The following CUL2 variants were observed in gnomAD, a reference collection of about 807,000 sequenced individuals.
CUL2 encodes cullin 2, also known as cullin-2.
CUL2 carries 22 observed loss-of-function variants against 110.2 expected under a neutral mutation model. The ratio of observed to expected loss-of-function variants is 0.20; its 90% CI spans 0.14 to 0.28. The LOEUF is 0.28. CUL2 is among the 10% of genes least tolerant of loss of function. CUL2 has a pLI of 1.00. For missense variants in CUL2, 631 were observed against 905.5 expected, an observed-to-expected ratio of 0.70 and a Z score of 3.89; for synonymous variants, 279 against 293.2, an observed-to-expected ratio of 0.95 and a Z score of 0.49.
intron 6 of CUL2, among the ~76,000 whole-genome samples, chr10:35,047,085 T>C (rs1249536146): frequency 6.6e-6 from 1 of 152,156 alleles, no homozygotes; most frequent in Admixed American, 6.5e-5. Flanking sequence ...GATAGATGGC[T>C]CTAACAAGCA....
At position 35,074,264 on chromosome 10, in the gene CUL2, TTCAG is replaced by T. The variant is rs1468686545; in HGVS notation, c.-22-2929_-22-2926del. 5 of 1,489,512 alleles carry T rather than the reference TTCAG, an allele frequency of 3.4e-6. No homozygotes were observed. In the South Asian group the frequency reaches 4.8e-5, roughly 14 times the overall value. 92.3% of individuals were successfully genotyped at this position (1,489,512 alleles called of 1,614,324 possible). ...TTGTTGTTTCCTTCTACAGACAGCA[TTCAG>T]TTTGGGCTCAACTGCAACATGGCAC... On this transcript the variant is annotated intron_variant, in intron 1 of 20. Transcript: ENST00000374749.
At chr10:35,072,517 C>T (rs1298878284) in intron 1 of CUL2, among the ~76,000 whole-genome samples, 1 of 152,022 alleles carries the variant, frequency 6.6e-6, no homozygotes, top group Admixed American at 6.5e-5. Context: ...TACAGGCGCC[C>T]GCCACCATGC....
intron 1 of CUL2, among the ~76,000 whole-genome samples, chr10:35,113,736 T>C (rs2087553370): frequency 6.6e-6 from 1 of 151,388 alleles, no homozygotes; most frequent in Non-Finnish European, 1.5e-5. Context: ...AGACGGAGTT[T>C]CGCTCTGTCA....
chr10:35,011,454 C>G (rs548948886), intron 20 of CUL2, among the ~76,000 whole-genome samples: 43 of 151,810 alleles, frequency 2.8e-4, no homozygotes, highest in Non-Finnish European at 4.4e-5. Context: ...CCTGTCTCTA[C>G]GAAAAATACA....
chr10:35,031,762 C>A lies in CUL2; in HGVS notation c.1171-143G>T. 1.3e-6 allele frequency: 1 copy of A among 791,828 alleles called. No homozygotes were observed. Among genetic ancestry groups the A allele is most frequent in the Non-Finnish European group, 2.0e-6 (1 of 504,178 alleles). 49.1% of individuals were successfully genotyped at this position (791,828 alleles called of 1,614,324 possible). A position where few individuals can be genotyped will look rare whatever the true frequency, so the allele number is the denominator to read the frequency against. On this transcript the variant is annotated intron_variant, in intron 12 of 20. Transcript: ENST00000374749. This position sits in a 1 kb window ranked among gnomAD's most constrained non-coding sequence, Gnocchi z 4.4. ...TTAGAGACCGGGTCTTGCTCTGTTG[C>A]CAGGCTGGATTGCAGTGGACAAGAT...
Position 35,029,557 on chromosome 10 carries a change from G to A in CUL2, c.1470C>T (p.Phe490=). 6.3e-7 allele frequency: 1 copy of A among 1,589,702 alleles called. No homozygotes were observed. Among genetic ancestry groups the A allele is most frequent in the African/African-American group, 1.4e-5 (1 of 73,254 alleles). Residue 490 remains phenylalanine (F), a synonymous_variant, in exon 15 of 21, where the codon TTC becomes TTT. Transcript: ENST00000374749. ...TGTCTTGGTTTTTGATAAAATTGTT[G>A]AACTTATTGTTGAGATCAGCGCTGA... ...MSVSADLNNK[F]NNFIKNQDTV...
intron 14 of CUL2, 88 bp from the exon 15 acceptor site, chr10:35,029,728 C>G (rs1161696217): frequency 9.9e-7 from 1 of 1,008,604 alleles, no homozygotes; most frequent in Non-Finnish European, 1.4e-6. Context: ...ATTGCTAGGT[C>G]TTTGATCAAA....
chr10:35,125,645 T>G (rs1358594379), intron 1 of CUL2, among the ~76,000 whole-genome samples: 1 of 152,224 alleles, frequency 6.6e-6, no homozygotes, highest in Non-Finnish European at 1.5e-5. Flanking sequence ...TGAAACAACG[T>G]ACAATGAAAC....
intron 17 of CUL2, among the ~76,000 whole-genome samples, chr10:35,023,116 A>G (rs963777435): frequency 6.6e-6 from 1 of 152,218 alleles, no homozygotes; most frequent in Non-Finnish European, 1.5e-5. Context: ...TCTCACCACA[A>G]ATAAAGATAA....
In CUL2 at chr10:35,031,465, A is replaced by G; in HGVS notation, c.1299+26T>C. ...AGAAATAAAGTTGACCAAAATACAAATGAAACTTTTCTGTTCACAACATAC... is the reference window on the plus strand; with the variant it reads ...AGAAATAAAGTTGACCAAAATACAAGTGAAACTTTTCTGTTCACAACATAC... On this transcript the variant is annotated intron_variant, in intron 13 of 20. Coordinates refer to ENST00000374749, the MANE Select transcript of CUL2 (RefSeq NM_003591.4). The surrounding 1 kb of genome is among the most constrained non-coding windows in gnomAD (Gnocchi z 4.4). 6.2e-7 allele frequency: 1 copy of G among 1,603,940 alleles called. No individual in the cohort carries two copies. The highest frequency in any genetic ancestry group is 8.5e-7 in the Non-Finnish European group (1 of 1,173,820).
upstream of CUL2, among the ~76,000 whole-genome samples, chr10:35,094,824 A>G (rs2087271483): frequency 1.3e-5 from 2 of 151,654 alleles, no homozygotes; most frequent in Admixed American, 6.6e-5. Flanking sequence ...TCTTTTCCAG[A>G]AAAAAAAATT....
chr10:35,022,774 C>T (rs1038544530), intron 17 of CUL2, among the ~76,000 whole-genome samples: 5 of 152,124 alleles, frequency 3.3e-5, no homozygotes, highest in African/African-American at 2.4e-5. Flanking sequence ...AGGCTGGGCA[C>T]GGTGGCTCAT....
rs58058299 is a variant in CUL2 at position 35,009,201 on chromosome 10, T to TTATATATATATATATATATATATATTA, written c.*1109_*1110insTAATATATATATATATATATATATATA. ...CTGTTGAGATATATATATATATATA[T>TTATATATATATATATATATATATATTA]TATATATATATATATATATAAAATA... On this transcript the variant is annotated 3_prime_UTR_variant, in exon 21 of 21. Coordinates refer to ENST00000374749, the MANE Select transcript of CUL2 (RefSeq NM_003591.4). 4 of 137,896 alleles carry TTATATATATATATATATATATATATTA rather than the reference T, an allele frequency of 2.9e-5. No individual in the cohort carries two copies. The Admixed American group carries it at 3.0e-4, about 10-fold the overall frequency. The allele number at this position is 137,896 out of a possible 1,614,324, so 8.5% of individuals were successfully genotyped here. A position where few individuals can be genotyped will look rare whatever the true frequency, so the allele number is the denominator to read the frequency against.
At chr10:35,033,053 C>G in intron 11 of CUL2, 113 bp downstream of exon 11, 1 of 473,050 alleles carries the variant, frequency 2.1e-6, no homozygotes, top group Non-Finnish European at 3.6e-6. Context: ...ATCAAAATTA[C>G]TTAATCTCCA....
At chr10:35,116,532 CT>C (rs370350334) in intron 1 of CUL2, among the ~76,000 whole-genome samples, 19 of 151,776 alleles carry the variant, frequency 1.3e-4, no homozygotes, top group African/African-American at 4.1e-4. Flanking sequence ...CCAGCTGTGG[CT>C]TTTTTTTGTG....
rs190797718 is a variant in CUL2 at position 35,057,121 on chromosome 10, A to G, written c.318-2582T>C. The stretch of plus-strand genomic sequence containing the variant: ...ACATAATAAGTGTAAACTGCCTAGC[A>G]TAGAAGCAGATGCTAAATCTGCAGA... On this transcript the variant is annotated intron_variant, in intron 4 of 20. Coordinates refer to ENST00000374749, the MANE Select transcript of CUL2 (RefSeq NM_003591.4). Among the ~76,000 whole-genome samples, 924 of 152,336 alleles carry G rather than the reference A, an allele frequency of 6.1e-3. 11 individuals carry two copies. Among genetic ancestry groups the G allele is most frequent in the African/African-American group, 0.021 (876 of 41,566 alleles).
At chr10:35,067,923 C>T (rs1023189601) in intron 2 of CUL2, among the ~76,000 whole-genome samples, 150 of 151,648 alleles carry the variant, frequency 9.9e-4, no homozygotes, top group African/African-American at 3.2e-3. Context: ...CTGGTTAACA[C>T]GGTGAAACCC....
chr10:35,113,051 C>A (rs899610352), intron 1 of CUL2, among the ~76,000 whole-genome samples: 1 of 151,068 alleles, frequency 6.6e-6, no homozygotes, highest in Non-Finnish European at 1.5e-5. Context: ...AATTGGCTGG[C>A]CGGCATGTGT....
At chr10:35,032,680 AATATCTAT>A (rs1277408688) in intron 11 of CUL2, among the ~76,000 whole-genome samples, 186 bp from the exon 12 acceptor site, 1 of 152,180 alleles carries the variant, frequency 6.6e-6, no homozygotes, top group Non-Finnish European at 1.5e-5. Context: ...CTAATTACAA[AATATCTAT>A]ATATCCTGTT....
Sources: allele counts gnomAD v4.1 joint callset (sites outside exome capture counted in the v4.1 genomes callset), GRCh38; gene constraint gnomAD v4.1.1; non-coding constraint Gnocchi (gnomAD v3.1); transcripts MANE v1.5; gene names NCBI Gene and HGNC (gene_info 2026-07-23, HGNC 2026-07-21).